Variants in PCDHGA1 observed in about 807,000 individuals in gnomAD.
PCDHGA1 encodes the protein protocadherin gamma-A1.
A neutral mutation model predicts 58.0 loss-of-function variants in PCDHGA1; 32 were observed. The ratio of observed to expected loss-of-function variants is 0.55; its 90% CI spans 0.42 to 0.74. The LOEUF (loss-of-function observed/expected upper bound fraction) is 0.74. PCDHGA1 is among the 30% of genes least tolerant of loss of function. The probability of loss-of-function intolerance (pLI) is 0.00; values close to 1 mark genes in which losing one functional copy is unlikely to be tolerated. For synonymous variants in PCDHGA1, 498 were observed against 501.1 expected, an observed-to-expected ratio of 0.99 and a Z score of 0.08; for missense variants, 1,205 against 1,182.3, an observed-to-expected ratio of 1.02 and a Z score of -0.28.
intron 1 of PCDHGA1, chr5:141,414,822 C>A: frequency 6.2e-7 from 1 of 1,614,240 alleles, no homozygotes; most frequent in Non-Finnish European, 8.5e-7. Context: ...TCAGCAGCAA[C>A]GTGTCGTTGA....
At chr5:141,443,683 A>C (rs1358937790) in intron 1 of PCDHGA1, among the ~76,000 whole-genome samples, 1 of 152,248 alleles carries the variant, frequency 6.6e-6, no homozygotes, top group Admixed American at 6.5e-5. Flanking sequence ...GTTTACAAAC[A>C]CTTCAAAAAT....
At chr5:141,359,995 T>C in intron 1 of PCDHGA1, 1 of 1,091,948 alleles carries the variant, frequency 9.2e-7, no homozygotes, top group Non-Finnish European at 1.3e-6. Flanking sequence ...GGGAACTTCC[T>C]GCACAAACCA....
chr5:141,414,550 G>A (rs773044624), intron 1 of PCDHGA1: 1 of 1,613,948 alleles, frequency 6.2e-7, no homozygotes, highest in East Asian at 2.2e-5. Flanking sequence ...CTTCTCTCAA[G>A]TCTCCTACTT....
intron 1 of PCDHGA1, among the ~76,000 whole-genome samples, chr5:141,335,810 GA>G (rs1488480936): frequency 1.3e-5 from 2 of 151,926 alleles, no homozygotes; most frequent in Non-Finnish European, 2.9e-5. Flanking sequence ...TTTAAAAATA[GA>G]AAAGGGAAAA....
At chr5:141,392,979 C>T (rs1356713892) in intron 1 of PCDHGA1, 4 of 1,613,718 alleles carry the variant, frequency 2.5e-6, no homozygotes, top group Admixed American at 1.7e-5. Context: ...GGGGCTGGAC[C>T]CCCGGAAGCT....
chr5:141,376,317 G>A, intron 1 of PCDHGA1: 1 of 1,614,202 alleles, frequency 6.2e-7, no homozygotes, highest in East Asian at 2.2e-5. Flanking sequence ...GGCGTGGAAG[G>A]GGTTCGGGCT....
At chr5:141,360,109 G>A (rs1218338018) in intron 1 of PCDHGA1, 1 of 1,561,628 alleles carries the variant, frequency 6.4e-7, no homozygotes, top group African/African-American at 1.4e-5. Flanking sequence ...TTCCTCCTAT[G>A]GGCAAAGGAG....
intron 1 of PCDHGA1, chr5:141,399,510 C>T: frequency 6.2e-7 from 1 of 1,614,040 alleles, no homozygotes; most frequent in Non-Finnish European, 8.5e-7. Context: ...CCGAAAACAA[C>T]CCTCCTGGGG....
intron 1 of PCDHGA1, among the ~76,000 whole-genome samples, chr5:141,444,714 CTTGGTGCCT>C (rs2098445168): frequency 6.6e-6 from 1 of 152,122 alleles, no homozygotes; most frequent in Non-Finnish European, 1.5e-5. Context: ...GTTGAATTTG[CTTGGTGCCT>C]TTGTTGAAAG....
intron 1 of PCDHGA1, chr5:141,427,892 C>A (rs752723370): frequency 9.9e-5 from 155 of 1,567,044 alleles, no homozygotes; most frequent in Non-Finnish European, 1.3e-4. Context: ...ACGACCAGGG[C>A]TCGCCCGCGC....
chr5:141,397,273 T>C (rs1324330524), intron 1 of PCDHGA1, among the ~76,000 whole-genome samples: 5 of 152,184 alleles, frequency 3.3e-5, no homozygotes, highest in Non-Finnish European at 1.5e-5. Flanking sequence ...CTACATCATA[T>C]GGGCAGTATA....
At chr5:141,464,300 A>T (rs1349155102) in intron 1 of PCDHGA1, among the ~76,000 whole-genome samples, 2 of 149,898 alleles carry the variant, frequency 1.3e-5, no homozygotes, top group African/African-American at 4.9e-5. Flanking sequence ...ACTCCATTGT[A>T]TGTGCACATA....
rs549801775 is a variant in PCDHGA1 at position 141,419,346 on chromosome 5, T to C, written c.2422-75461T>C. The C allele has an allele frequency of 6.2e-7, 1 of 1,613,828 alleles. No individual in the cohort carries two copies. The highest frequency in any genetic ancestry group is 2.2e-5 in the East Asian group (1 of 44,886). ...TCCTACTCTCTCATTGCCAGCGACCTGGAGTCACGAACGCTGTCGTCCTAC... is the reference window on the plus strand; with the variant it reads ...TCCTACTCTCTCATTGCCAGCGACCCGGAGTCACGAACGCTGTCGTCCTAC... On this transcript the variant is annotated intron_variant, in intron 1 of 3. Coordinates refer to ENST00000517417, the MANE Select transcript of PCDHGA1 (RefSeq NM_018912.3).
intron 1 of PCDHGA1, chr5:141,341,001 G>A: frequency 6.2e-7 from 1 of 1,614,124 alleles, no homozygotes; most frequent in Non-Finnish European, 8.5e-7. Flanking sequence ...GACCTGGGCA[G>A]CCTCGAGCCC....
At chr5:141,498,520 A>T (rs1178141390) in intron 2 of PCDHGA1, among the ~76,000 whole-genome samples, 1 of 149,264 alleles carries the variant, frequency 6.7e-6, no homozygotes, top group Non-Finnish European at 1.5e-5. Flanking sequence ...CATCTTGCCC[A>T]CTGCCCTCCA....
At position 141,332,428 on chromosome 5, in the gene PCDHGA1, G is replaced by A; in HGVS notation, c.1744G>A (p.Ala582Thr). ...STGVELAPLSAEPGYLVTKVV... is the reference protein window; with the variant it reads ...STGVELAPLSTEPGYLVTKVV... ...CGGCGTGGAGCTGGCGCCCCTCTCC[G>A]CAGAGCCCGGCTACCTGGTGACCAA... The change falls in exon 1 of 4, where the codon GCA becomes ACA. Residue 582 changes from alanine to threonine, a missense_variant. Ala to Thr is a moderately conservative substitution (Grantham distance 58, BLOSUM62 0). Coordinates refer to ENST00000517417, the MANE Select transcript of PCDHGA1 (RefSeq NM_018912.3). The surrounding 1 kb of genome is among the most constrained non-coding windows in gnomAD (Gnocchi z 4.6). 1.2e-6 allele frequency: 2 copies of A among 1,613,996 alleles called. No individual in the cohort carries two copies. Among genetic ancestry groups the A allele is most frequent in the Non-Finnish European group, 1.7e-6 (2 of 1,180,036 alleles).
intron 1 of PCDHGA1, chr5:141,344,911 A>G: frequency 1.9e-6 from 3 of 1,613,922 alleles, no homozygotes; most frequent in East Asian, 2.2e-5. Context: ...GAGATTTTCC[A>G]TCTTAACTCA....
chr5:141,360,337 G>A (rs752357718), intron 1 of PCDHGA1: 1 of 1,613,974 alleles, frequency 6.2e-7, no homozygotes, highest in East Asian at 2.2e-5. Context: ...GAAGCTGCGG[G>A]TTAGCGCGGA....
At position 141,491,919 on chromosome 5, in the gene PCDHGA1, C is replaced by A. The variant is rs1177043977; in HGVS notation, c.2422-2888C>A. 1.5e-6 allele frequency: 2 copies of A among 1,361,778 alleles called. No homozygotes were observed. Among genetic ancestry groups the A allele is most frequent in the South Asian group, 1.6e-5 (1 of 64,218 alleles). 84.4% of individuals were successfully genotyped at this position (1,361,778 alleles called of 1,614,324 possible). A position where few individuals can be genotyped will look rare whatever the true frequency, so the allele number is the denominator to read the frequency against. On this transcript the variant is annotated intron_variant, in intron 1 of 3. Coordinates refer to ENST00000517417, the MANE Select transcript of PCDHGA1 (RefSeq NM_018912.3). The surrounding 1 kb of genome is among the most constrained non-coding windows in gnomAD (Gnocchi z 6.9). ...CACCGGGGGTGGTGGCGACTGTGGGCGAGGGGAGGTGGGACCGACCCCCAC... is the reference window on the plus strand; with the variant it reads ...CACCGGGGGTGGTGGCGACTGTGGGAGAGGGGAGGTGGGACCGACCCCCAC...
Sources: allele counts gnomAD v4.1 joint callset (sites outside exome capture counted in the v4.1 genomes callset), GRCh38; gene constraint gnomAD v4.1.1; non-coding constraint Gnocchi (gnomAD v3.1); transcripts MANE v1.5; gene names NCBI Gene and HGNC (gene_info 2026-07-23, HGNC 2026-07-21).